Variants in EYS observed in about 807,000 individuals in gnomAD.
The protein encoded by EYS is EGF-like photoreceptor maintenance factor.
In EYS, 250 loss-of-function variants were observed where a neutral mutation model predicts 282.1. The ratio of observed to expected loss-of-function variants is 0.89; its 90% CI spans 0.80 to 0.98. The LOEUF (loss-of-function observed/expected upper bound fraction) is 0.98, where lower values mean the gene tolerates loss of function less well. Ranked by LOEUF, EYS falls within the 50% of genes least tolerant of loss-of-function variation. EYS has a pLI of 0.00. For missense variants in EYS, 4,016 were observed against 3,709.0 expected (o/e 1.08, Z -2.15); for synonymous variants, 1,355 against 1,282.9 (o/e 1.06, Z -1.20).
At chr6:65,396,378 T>C (rs887405555) in intron 7 of EYS, among the ~76,000 whole-genome samples, 11 of 152,120 alleles carry the variant, frequency 7.2e-5, no homozygotes, top group African/African-American at 2.7e-4. Flanking sequence ...TTGTAGTCCT[T>C]TTCTCCCCCA....
chr6:64,751,301 C>T (rs1018460710), intron 22 of EYS, among the ~76,000 whole-genome samples: 2 of 152,210 alleles, frequency 1.3e-5, no homozygotes, highest in African/African-American at 4.8e-5. Flanking sequence ...CCACTCCACA[C>T]TTAGATATCT....
At chr6:64,774,839 G>T (rs2149988965) in intron 22 of EYS, among the ~76,000 whole-genome samples, 1 of 151,872 alleles carries the variant, frequency 6.6e-6, no homozygotes, top group African/African-American at 2.4e-5. Context: ...CCCCTTATCT[G>T]ACACCTTGCC....
intron 22 of EYS, among the ~76,000 whole-genome samples, chr6:64,667,443 T>C (rs1172799755): frequency 1.3e-5 from 2 of 151,620 alleles, no homozygotes; most frequent in African/African-American, 2.4e-5. Flanking sequence ...CTCTTTTACA[T>C]CTTGGATGGA....
At chr6:64,750,976 G>A (rs541445506) in intron 22 of EYS, among the ~76,000 whole-genome samples, 2 of 151,428 alleles carry the variant, frequency 1.3e-5, no homozygotes, top group South Asian at 2.1e-4. Context: ...GACAAATTTC[G>A]AGGCACTTGG....
At chr6:64,963,133 A>G (rs1432199045) in intron 14 of EYS, among the ~76,000 whole-genome samples, 1 of 152,202 alleles carries the variant, frequency 6.6e-6, no homozygotes, top group Non-Finnish European at 1.5e-5. Context: ...CTCTAGGTGT[A>G]GTAAGCTAGT....
At chr6:64,189,179 TA>T (rs34804851) in intron 31 of EYS, among the ~76,000 whole-genome samples, 4 of 152,152 alleles carry the variant, frequency 2.6e-5, no homozygotes, top group South Asian at 2.1e-4. Flanking sequence ...TGTATATGTG[TA>T]AAAAAATTAT....
At chr6:65,687,566 T>C (rs1020833911) in intron 1 of EYS, among the ~76,000 whole-genome samples, 1 of 152,132 alleles carries the variant, frequency 6.6e-6, no homozygotes, top group African/African-American at 2.4e-5. Flanking sequence ...CAACATAGTT[T>C]GGAAGTTCTG....
intron 31 of EYS, among the ~76,000 whole-genome samples, chr6:64,217,432 G>A (rs1765965744): frequency 6.6e-6 from 1 of 152,148 alleles, no homozygotes; most frequent in South Asian, 2.1e-4. Context: ...GGGAAGCTGA[G>A]ACAGGAGAAT....
intron 28 of EYS, among the ~76,000 whole-genome samples, chr6:64,424,723 G>A (rs1021755198): frequency 6.6e-6 from 1 of 152,090 alleles, no homozygotes; most frequent in Non-Finnish European, 1.5e-5. Context: ...AACAAGTTAT[G>A]CCCCAGTTAC....
chr6:65,151,243 T>G (rs1429035341), intron 12 of EYS, among the ~76,000 whole-genome samples: 1 of 151,946 alleles, frequency 6.6e-6, no homozygotes, highest in Non-Finnish European at 1.5e-5. Flanking sequence ...GTAATGACTG[T>G]GTAATTGTAT....
At chr6:64,712,978 A>T (rs112801538) in intron 22 of EYS, among the ~76,000 whole-genome samples, 37 of 152,310 alleles carry the variant, frequency 2.4e-4, no homozygotes, top group African/African-American at 7.0e-4. Context: ...AATCATCCGC[A>T]ACACCACTGA....
At chr6:65,620,652 C>T (rs1467877216) in intron 2 of EYS, among the ~76,000 whole-genome samples, 4 of 150,340 alleles carry the variant, frequency 2.7e-5, no homozygotes, top group Non-Finnish European at 5.9e-5. Context: ...GTTAGGGTGT[C>T]AATTTTGGAT....
chr6:65,479,913 G>A (rs199969735), intron 5 of EYS, among the ~76,000 whole-genome samples: 69 of 151,872 alleles, frequency 4.5e-4, no homozygotes, highest in African/African-American at 1.7e-3. Flanking sequence ...CCCAGCACTT[G>A]GGGAGGCCAA....
chr6:63,998,637 A>G (rs963688319), intron 34 of EYS, among the ~76,000 whole-genome samples: 2 of 152,322 alleles, frequency 1.3e-5, no homozygotes, highest in East Asian at 3.9e-4. Context: ...ATTTAGACTC[A>G]TTCAATGTTT....
intron 2 of EYS, among the ~76,000 whole-genome samples, chr6:65,633,312 G>T (rs1766983145): frequency 6.6e-6 from 1 of 152,064 alleles, no homozygotes; most frequent in Non-Finnish European, 1.5e-5. Context: ...ATTTCATTTT[G>T]TAATTATATG....
chr6:65,369,380 A>G (rs1443848724), intron 8 of EYS, among the ~76,000 whole-genome samples: 1 of 145,508 alleles, frequency 6.9e-6, no homozygotes, highest in Non-Finnish European at 1.5e-5. Context: ...GTCTGTTCCA[A>G]CAAAGCAAGA....
chr6:64,188,571 C>A (rs1765015074), intron 31 of EYS, among the ~76,000 whole-genome samples: 1 of 152,092 alleles, frequency 6.6e-6, no homozygotes, highest in Non-Finnish European at 1.5e-5. Context: ...TCTGGCAACT[C>A]CACCTTGAGT....
chr6:65,576,087 G>A (rs1037008886), intron 2 of EYS, among the ~76,000 whole-genome samples: 7 of 151,934 alleles, frequency 4.6e-5, no homozygotes, highest in African/African-American at 1.4e-4. Context: ...TATGAAGTCA[G>A]CATTACCCAA....
chr6:64,890,055 C>CA (rs1024334145), intron 18 of EYS, among the ~76,000 whole-genome samples: 1 of 149,796 alleles, frequency 6.7e-6, no homozygotes, highest in African/African-American at 2.5e-5. Context: ...GCCCCCCCCC[C>CA]CCAAGGTGTG....
Sources: gnomAD v4.1 joint callset for allele counts (sites outside exome capture counted in the v4.1 genomes callset) on GRCh38, gnomAD v4.1.1 for gene constraint, MANE v1.5 for transcripts, NCBI Gene and HGNC (gene_info 2026-07-23, HGNC 2026-07-21) for gene names.